PDE5A: variants seen among roughly 807,000 people sequenced by gnomAD.
PDE5A encodes the protein cGMP-specific 3',5'-cyclic phosphodiesterase.
In PDE5A, 67 loss-of-function variants were observed where a neutral mutation model predicts 110.2. The observed-to-expected ratio is 0.61, with a 90% CI of 0.50 to 0.75. The LOEUF (loss-of-function observed/expected upper bound fraction) is 0.75. Among genes scored for constraint, PDE5A ranks in the 30% least tolerant of loss-of-function variants. PDE5A has a pLI of 0.00. For missense variants in PDE5A, 862 were observed against 1,045.1 expected (o/e 0.82, Z 2.42); for synonymous variants, 328 against 351.2 (o/e 0.93, Z 0.74).
At chr4:119,499,331 AAAAAG>A (rs1021376921) in intron 20 of PDE5A, among the ~76,000 whole-genome samples, 23 of 152,330 alleles carry the variant, frequency 1.5e-4, no homozygotes, top group Admixed American at 6.5e-4. Flanking sequence ...ATAAAAAAAT[AAAAAG>A]AAACCTCACA....
intron 3 of PDE5A, among the ~76,000 whole-genome samples, chr4:119,596,272 G>C (rs932643508): frequency 6.6e-6 from 1 of 151,966 alleles, no homozygotes; most frequent in Non-Finnish European, 1.5e-5. Context: ...AACGCCTTCA[G>C]GAAGAGGGGA....
intron 3 of PDE5A, among the ~76,000 whole-genome samples, chr4:119,587,074 G>A (rs188482835): frequency 4.6e-5 from 7 of 152,210 alleles, no homozygotes. Context: ...TTATTTAAAG[G>A]GCAGTGTGCA....
At chr4:119,592,389 C>A (rs1244604115) in intron 3 of PDE5A, among the ~76,000 whole-genome samples, 4 of 136,898 alleles carry the variant, frequency 2.9e-5, no homozygotes, top group Non-Finnish European at 4.6e-5. Context: ...ACCCGGGAGG[C>A]GGAGGCTGCA....
chr4:119,533,401 A>G (rs3775852), intron 11 of PDE5A, among the ~76,000 whole-genome samples: 39,979 of 152,082 alleles, frequency 0.26, 5,395 homozygotes, highest in East Asian at 0.38. Flanking sequence ...TCTTTTCTCC[A>G]CTTTCCGCAT....
At chr4:119,607,742 CA>C (rs775932280) in intron 1 of PDE5A, among the ~76,000 whole-genome samples, 6 of 143,720 alleles carry the variant, frequency 4.2e-5, no homozygotes, top group Admixed American at 6.9e-5. Flanking sequence ...GAGACTCTCT[CA>C]AAAAAAAAAG....
chr4:119,560,434 C>T (rs1727708365), intron 6 of PDE5A, 71 bp from the exon 7 acceptor site: 6 of 911,798 alleles, frequency 6.6e-6, no homozygotes, highest in Non-Finnish European at 9.9e-6. Context: ...TACAGACATA[C>T]ATGCTATGGA....
At chr4:119,582,780 C>T (rs2110523172) in intron 3 of PDE5A, among the ~76,000 whole-genome samples, 1 of 152,326 alleles carries the variant, frequency 6.6e-6, no homozygotes, top group Non-Finnish European at 1.5e-5. Context: ...ACTAGGTGTA[C>T]TGTCACAGAG....
chr4:119,560,710 T>C (rs181094237), intron 6 of PDE5A, among the ~76,000 whole-genome samples: 1 of 152,350 alleles, frequency 6.6e-6, no homozygotes, highest in African/African-American at 2.4e-5. Flanking sequence ...CTTAAGTACA[T>C]TGATTGTTGT....
At chr4:119,514,905 A>T (rs897387395) in intron 14 of PDE5A, among the ~76,000 whole-genome samples, 3 of 152,224 alleles carry the variant, frequency 2.0e-5, no homozygotes, top group Non-Finnish European at 4.4e-5. Context: ...GGACATAGAG[A>T]AGTTTAATGA....
intron 10 of PDE5A, 78 bp from the exon 11 acceptor site, chr4:119,539,097 C>T: frequency 9.4e-7 from 1 of 1,061,016 alleles, no homozygotes; most frequent in Non-Finnish European, 1.5e-6. Context: ...GCTTGGAATT[C>T]TGCTAAGTCT....
intron 1 of PDE5A, among the ~76,000 whole-genome samples, chr4:119,624,216 TAAC>T (rs1730259865): frequency 6.6e-6 from 1 of 152,196 alleles, no homozygotes; most frequent in African/African-American, 2.4e-5. Context: ...TCATCAACAC[TAAC>T]AACTGCCTCA....
intron 3 of PDE5A, among the ~76,000 whole-genome samples, chr4:119,574,458 G>C (rs1192114124): frequency 1.3e-5 from 2 of 151,998 alleles, no homozygotes; most frequent in Non-Finnish European, 2.9e-5. Context: ...TGGGATTACA[G>C]GTGTGGGCCA....
rs562424402 is a variant in PDE5A, at chr4:119,575,366, C to T, written c.832-8222G>A. 3.3e-5 allele frequency among the ~76,000 whole-genome samples: 5 copies of T among 152,230 alleles called. No homozygotes were observed. In the East Asian group the frequency reaches 9.7e-4, roughly 29 times the overall value. The stretch of plus-strand genomic sequence containing the variant: ...CAAAGATACTCCTCGAGAAGAGCAA[C>T]TCCAAGACACATAATTGTCAGATTC... On this transcript the variant is annotated intron_variant, in intron 3 of 20. Transcript: ENST00000354960.
rs755002503 is a variant in PDE5A, at chr4:119,553,744, T to C, written c.1202A>G (p.Glu401Gly). The C allele has an allele frequency of 6.5e-7, 1 of 1,530,092 alleles. No individual in the cohort carries two copies. The highest frequency in any genetic ancestry group is 9.1e-7 in the Non-Finnish European group (1 of 1,104,444). The allele number at this position is 1,530,092 out of a possible 1,614,324, so 94.8% of individuals were successfully genotyped here. ...GTAATTGATTTTGTTTGCATCATGT[T>C]CCCTGTGAAAATAACAGATATGAGT... ...LEKSSDTLTR[E>G]HDANKINYMY... The change falls in exon 8 of 21, where the codon GAA (glutamate) becomes GGA (glycine). Residue 401 changes from glutamate to glycine, a missense_variant and splice_region_variant. Glu to Gly is a moderately conservative substitution (Grantham distance 98, BLOSUM62 -2). Transcript: ENST00000354960.
At chr4:119,567,898 T>G (rs938726364) in intron 3 of PDE5A, among the ~76,000 whole-genome samples, 1 of 152,202 alleles carries the variant, frequency 6.6e-6, no homozygotes, top group African/African-American at 2.4e-5. Context: ...AATTCTACTC[T>G]TTCCTTTCTT....
At chr4:119,516,328 ACTTT>A (rs1233170966) in intron 14 of PDE5A, among the ~76,000 whole-genome samples, 1 of 152,192 alleles carries the variant, frequency 6.6e-6, no homozygotes, top group East Asian at 1.9e-4. Context: ...TACTTCTATC[ACTTT>A]CTTTCTGCCT....
intron 3 of PDE5A, among the ~76,000 whole-genome samples, chr4:119,587,654 G>A (rs1477698754): frequency 6.6e-6 from 1 of 152,188 alleles, no homozygotes; most frequent in African/African-American, 2.4e-5. Flanking sequence ...CAAGTGCTGG[G>A]ATTACAGGTG....
rs149176458 is a variant in PDE5A, at chr4:119,627,971, G to T, written c.152+549C>A. The T allele has an allele frequency of 1.7e-4, 149 of 864,246 alleles. No individual in the cohort carries two copies. Among genetic ancestry groups the T allele is most frequent in the Non-Finnish European group, 1.8e-4 (133 of 719,070 alleles). The allele number at this position is 864,246 out of a possible 1,614,324, so 53.5% of individuals were successfully genotyped here. On this transcript the variant is annotated intron_variant, in intron 1 of 20. Coordinates refer to ENST00000354960, the MANE Select transcript of PDE5A (RefSeq NM_001083.4). This position sits in a 1 kb window ranked among gnomAD's most constrained non-coding sequence, Gnocchi z 4.6. The stretch of plus-strand genomic sequence containing the variant: ...CGCGGGACAAGCAGGAGACTGGAAG[G>T]GGGGAAAAGGCAACCGCACTCACTT...
intron 6 of PDE5A, 47 bp downstream of exon 6, chr4:119,562,786 T>C (rs200946020): frequency 6.3e-6 from 9 of 1,437,196 alleles, no homozygotes; most frequent in Admixed American, 2.6e-5. Flanking sequence ...TATAGAAATA[T>C]AAGTTTCTGT....
Sources: allele counts gnomAD v4.1 joint callset (sites outside exome capture counted in the v4.1 genomes callset), GRCh38; gene constraint gnomAD v4.1.1; non-coding constraint Gnocchi (gnomAD v3.1); transcripts MANE v1.5; gene names NCBI Gene and HGNC (gene_info 2026-07-23, HGNC 2026-07-21).